The following KLF12 variants were observed in gnomAD, a reference collection of about 807,000 sequenced individuals.
KLF12 encodes KLF transcription factor 12, also known as Krueppel-like factor 12.
Under a neutral mutation model 37.8 loss-of-function variants are expected in KLF12, and 9 were observed. That is an observed-to-expected ratio of 0.24 (90% confidence interval 0.14 to 0.42). The LOEUF (loss-of-function observed/expected upper bound fraction) is 0.42, where lower values mean the gene tolerates loss of function less well. Among genes scored for constraint, KLF12 ranks in the 10% least tolerant of loss-of-function variants. KLF12 has a pLI of 1.00. For synonymous variants in KLF12, 208 were observed against 202.1 expected, an observed-to-expected ratio of 1.03 and a Z score of -0.25; for missense variants, 411 against 516.0, an observed-to-expected ratio of 0.80 and a Z score of 1.97.
intron 1 of KLF12, among the ~76,000 whole-genome samples, chr13:74,016,921 T>C (rs1040108687): frequency 5.9e-5 from 9 of 152,310 alleles, no homozygotes; most frequent in African/African-American, 1.9e-4. Context: ...TGGAAGCTTT[T>C]TGATAAACTC....
intron 2 of KLF12, among the ~76,000 whole-genome samples, chr13:73,965,328 C>T (rs1237717248): frequency 6.6e-6 from 1 of 152,084 alleles, no homozygotes; most frequent in African/African-American, 2.4e-5. Flanking sequence ...GACTTTGGGG[C>T]AAAATATTTT....
chr13:73,983,631 A>G (rs1891745578), intron 2 of KLF12, among the ~76,000 whole-genome samples: 1 of 152,198 alleles, frequency 6.6e-6, no homozygotes, highest in Admixed American at 6.5e-5. Flanking sequence ...AATTATTCAC[A>G]TATTTCCATC....
chr13:74,166,872 A>G, the KLF12 span, among the ~76,000 whole-genome samples: 2 of 152,190 alleles, frequency 1.3e-5, no homozygotes, highest in Non-Finnish European at 2.9e-5. Context: ...TATCTCACTG[A>G]TTTATATCAC....
At chr13:74,260,697 A>T in the KLF12 span, among the ~76,000 whole-genome samples, 3 of 152,026 alleles carry the variant, frequency 2.0e-5, no homozygotes, top group East Asian at 5.8e-4. Context: ...AATAAAAAAA[A>T]TAGGTCCTGT....
intron 3 of KLF12, among the ~76,000 whole-genome samples, chr13:73,861,362 T>C (rs1336572041): frequency 6.6e-6 from 1 of 152,244 alleles, no homozygotes; most frequent in Non-Finnish European, 1.5e-5. Context: ...CGCAGTGAAC[T>C]CTACAACTGC....
rs1484200512 is a variant in KLF12 at position 74,069,796 on chromosome 13, A to T, written c.-32+63943T>A. Among the ~76,000 whole-genome samples the T allele has an allele frequency of 4.9e-4, 75 of 152,226 alleles. 2 individuals are homozygous for T. The highest frequency in any genetic ancestry group is 4.8e-3 in the Admixed American group (74 of 15,284). ...TTGGTGACTCATGAGACGTGAAAAG[A>T]GTGAAGGATAATACTGACTTAAAAA... is the stretch of plus-strand genomic sequence containing the variant. On this transcript the variant is annotated intron_variant, in intron 1 of 7. Coordinates refer to ENST00000377669, the MANE Select transcript of KLF12 (RefSeq NM_007249.5).
chr13:74,063,284 G>C (rs551524018), intron 1 of KLF12, among the ~76,000 whole-genome samples: 27 of 152,198 alleles, frequency 1.8e-4, no homozygotes, highest in South Asian at 2.1e-4. Context: ...CTCCTTTCTG[G>C]GAGTCAATTC....
At chr13:74,080,546 A>G (rs1874822066) in intron 1 of KLF12, among the ~76,000 whole-genome samples, 1 of 152,056 alleles carries the variant, frequency 6.6e-6, no homozygotes, top group South Asian at 2.1e-4. Context: ...AGCAACGTAT[A>G]TGTTAGATAA....
the KLF12 span, among the ~76,000 whole-genome samples, chr13:74,205,399 G>A: frequency 6.6e-6 from 1 of 152,134 alleles, no homozygotes; most frequent in Non-Finnish European, 1.5e-5. Context: ...GACTCACTAG[G>A]CTTTGAGGAT....
At chr13:73,789,062 T>C (rs1435000270) in intron 5 of KLF12, among the ~76,000 whole-genome samples, 1 of 152,246 alleles carries the variant, frequency 6.6e-6, no homozygotes, top group Admixed American at 6.5e-5. Flanking sequence ...GAATGACTTT[T>C]TTTTCATTTT....
At position 74,131,527 on chromosome 13, in the gene KLF12, T is replaced by C. The variant is rs183091085; in HGVS notation, c.-32+2212A>G. On this transcript the variant is annotated intron_variant, in intron 1 of 7. Coordinates refer to ENST00000377669, the MANE Select transcript of KLF12 (RefSeq NM_007249.5). ...ACCATTTACTCCCAAATGATAGTCA[T>C]TGCTGTAAAAAGAACTTCTGGGGAG... is the stretch of plus-strand genomic sequence containing the variant. Among the ~76,000 whole-genome samples, 191 of 152,296 alleles carry C rather than the reference T, an allele frequency of 1.3e-3. 1 individual carries two copies. Among genetic ancestry groups the C allele is most frequent in the Middle Eastern group, 3.4e-3 (1 of 294 alleles).
intron 1 of KLF12, among the ~76,000 whole-genome samples, chr13:73,998,566 C>T (rs1243594728): frequency 1.3e-5 from 2 of 152,152 alleles, no homozygotes; most frequent in Non-Finnish European, 2.9e-5. Context: ...TGTTTTCCAG[C>T]ACCGATTTTA....
intron 5 of KLF12, among the ~76,000 whole-genome samples, chr13:73,780,644 T>C (rs2138190253): frequency 1.3e-5 from 2 of 152,308 alleles, no homozygotes; most frequent in East Asian, 1.9e-4. Flanking sequence ...GTATTTTCAG[T>C]AGAGACAGGG....
the KLF12 span, among the ~76,000 whole-genome samples, chr13:74,282,967 AT>A: frequency 6.6e-6 from 1 of 152,186 alleles, no homozygotes; most frequent in East Asian, 1.9e-4. Context: ...GTGTTGATAG[AT>A]TTTATTGTAG....
intron 2 of KLF12, among the ~76,000 whole-genome samples, chr13:73,966,058 G>A (rs1891164035): frequency 6.6e-6 from 1 of 152,230 alleles, no homozygotes. Flanking sequence ...GTGCAAAAGA[G>A]TATTAATTTC....
the KLF12 span, among the ~76,000 whole-genome samples, chr13:74,161,127 C>T: frequency 6.6e-6 from 1 of 150,938 alleles, no homozygotes; most frequent in Non-Finnish European, 1.5e-5. Flanking sequence ...GAAGGCTTCC[C>T]ACACTGGACT....
chr13:74,003,723 T>C (rs1278212038), intron 1 of KLF12, among the ~76,000 whole-genome samples: 3 of 152,202 alleles, frequency 2.0e-5, no homozygotes, highest in Non-Finnish European at 4.4e-5. Context: ...AATGAAAATA[T>C]GCTTACAGAT....
At chr13:73,899,920 A>G (rs1887962289) in intron 3 of KLF12, among the ~76,000 whole-genome samples, 1 of 152,164 alleles carries the variant, frequency 6.6e-6, no homozygotes, top group South Asian at 2.1e-4. Flanking sequence ...CACAGGAGCC[A>G]ATTCCCCTAA....
chr13:73,998,959 C>G (rs1447790019), intron 1 of KLF12, among the ~76,000 whole-genome samples: 1 of 152,324 alleles, frequency 6.6e-6, no homozygotes, highest in East Asian at 1.9e-4. Flanking sequence ...TGTATCTCTT[C>G]TGAACTTGTA....
Sources: allele counts gnomAD v4.1 joint callset (sites outside exome capture counted in the v4.1 genomes callset), GRCh38; gene constraint gnomAD v4.1.1; transcripts MANE v1.5; gene names NCBI Gene and HGNC (gene_info 2026-07-23, HGNC 2026-07-21).